TVP23A: variants seen among roughly 807,000 people sequenced by gnomAD.
The protein encoded by TVP23A is trans-golgi network vesicle protein 23 homolog A, also known as Golgi apparatus membrane protein TVP23 homolog A.
TVP23A carries 21 observed loss-of-function variants against 31.7 expected under a neutral mutation model. The observed-to-expected ratio is 0.66, with a 90% CI of 0.47 to 0.95. The LOEUF (loss-of-function observed/expected upper bound fraction) is 0.95. Ranked by LOEUF, TVP23A falls within the 40% of genes least tolerant of loss-of-function variation. The probability of loss-of-function intolerance (pLI) is 0.00; values close to 1 mark genes in which losing one functional copy is unlikely to be tolerated. For missense variants in TVP23A, 279 were observed against 255.6 expected, an observed-to-expected ratio of 1.09 and a Z score of -0.62; for synonymous variants, 104 against 96.0, an observed-to-expected ratio of 1.08 and a Z score of -0.49.
chr16:10,788,723 T>C (rs920925386), intron 2 of TVP23A, among the ~76,000 whole-genome samples: 1 of 152,200 alleles, frequency 6.6e-6, no homozygotes, highest in African/African-American at 2.4e-5. Flanking sequence ...GGAGACAGTA[T>C]GTCATACTGT....
At chr16:10,814,591 C>T (rs1346259749) in intron 2 of TVP23A, among the ~76,000 whole-genome samples, 7 of 151,814 alleles carry the variant, frequency 4.6e-5, no homozygotes, top group African/African-American at 1.7e-4. Context: ...ACCCCAACAA[C>T]CCAGCCTCCA....
chr16:10,788,083 C>T (rs2032875646), intron 2 of TVP23A, among the ~76,000 whole-genome samples: 1 of 152,082 alleles, frequency 6.6e-6, no homozygotes, highest in South Asian at 2.1e-4. Context: ...GAGACAAAGG[C>T]ATCAATCAAT....
chr16:10,761,740 T>C, downstream of TVP23A: 1 of 1,602,212 alleles, frequency 6.2e-7, no homozygotes, highest in Non-Finnish European at 8.5e-7. Flanking sequence ...TTCCTCCCCT[T>C]TGAATTTGCC....
At chr16:10,775,907 C>T (rs1165201367) in intron 2 of TVP23A, among the ~76,000 whole-genome samples, 2 of 151,168 alleles carry the variant, frequency 1.3e-5, no homozygotes, top group South Asian at 4.2e-4. Context: ...TGCCACCACG[C>T]CCAGCTAATT....
At chr16:10,813,040 C>T (rs962960862) in intron 2 of TVP23A, among the ~76,000 whole-genome samples, 21 of 152,322 alleles carry the variant, frequency 1.4e-4, no homozygotes, top group Non-Finnish European at 5.9e-5. Flanking sequence ...TGATGTACTT[C>T]CCAGGCCCCC....
chr16:10,771,844 A>AGG lies in TVP23A; in HGVS notation c.454-47_454-46insCC, dbSNP rs1319485136. 3 of 1,543,046 alleles carry AGG rather than the reference A, an allele frequency of 1.9e-6. No individual in the cohort carries two copies. In the South Asian group the frequency reaches 3.6e-5, roughly 18 times the overall value. ...CAAAGGTCACTTTTTTTTGAGACAGAGTTTCGCTCTGTCGCCCAGGCTGGG... is the reference window on the plus strand; with the variant it reads ...CAAAGGTCACTTTTTTTTGAGACAGAGGGTTTCGCTCTGTCGCCCAGGCTGGG... On this transcript the variant is annotated intron_variant, in intron 5 of 7. Coordinates refer to ENST00000299866, the MANE Select transcript of TVP23A (RefSeq NM_001079512.4).
At chr16:10,778,719 ACTTTGGGAGG>A (rs567093402) in intron 2 of TVP23A, among the ~76,000 whole-genome samples, 230 of 151,898 alleles carry the variant, frequency 1.5e-3, no homozygotes, top group African/African-American at 5.4e-3. Context: ...TAATCCCAGC[ACTTTGGGAGG>A]CTGAGGCGGC....
intron 2 of TVP23A, among the ~76,000 whole-genome samples, chr16:10,786,905 C>G (rs1441980878): frequency 2.6e-5 from 4 of 151,686 alleles, no homozygotes; most frequent in African/African-American, 7.3e-5. Flanking sequence ...GGCTGATATT[C>G]TGGGTACCTA....
downstream of TVP23A, among the ~76,000 whole-genome samples, chr16:10,759,036 C>T (rs1254446120): frequency 1.3e-5 from 2 of 152,206 alleles, no homozygotes; most frequent in African/African-American, 2.4e-5. The surrounding 1 kb of genome is among the most constrained non-coding windows in gnomAD (Gnocchi z 4.7). Flanking sequence ...CTCTTCATGA[C>T]GTTCTCCTCC....
downstream of TVP23A, among the ~76,000 whole-genome samples, chr16:10,765,850 G>T (rs529167357): frequency 6.6e-6 from 1 of 152,352 alleles, no homozygotes; most frequent in South Asian, 2.1e-4. The surrounding 1 kb of genome is among the most constrained non-coding windows in gnomAD (Gnocchi z 4.0). Flanking sequence ...AGTGGGCATG[G>T]TCCTGTGTGT....
Position 10,768,271 on chromosome 16 carries a change from T to A in TVP23A, c.*831A>T. On this transcript the variant is annotated 3_prime_UTR_variant, in exon 8 of 8. Coordinates refer to ENST00000299866, the MANE Select transcript of TVP23A (RefSeq NM_001079512.4). The surrounding 1 kb of genome is among the most constrained non-coding windows in gnomAD (Gnocchi z 4.3). ...TTATGGCTTAGGAAATACATCCCAA[T>A]AAAGGGATAAAGTAATTCATTTTTA... 6.1e-6 allele frequency: 2 copies of A among 326,024 alleles called. No homozygotes were observed. The highest frequency in any genetic ancestry group is 1.1e-5 in the Non-Finnish European group (2 of 178,544). The allele number at this position is 326,024 out of a possible 1,614,324, so 20.2% of individuals were successfully genotyped here. A position where few individuals can be genotyped will look rare whatever the true frequency, so the allele number is the denominator to read the frequency against.
intron 2 of TVP23A, among the ~76,000 whole-genome samples, chr16:10,800,717 C>T (rs1323489818): frequency 6.6e-6 from 1 of 152,186 alleles, no homozygotes; most frequent in Non-Finnish European, 1.5e-5. Context: ...TCACAGGTGG[C>T]TCACACCTGT....
At chr16:10,761,598 A>T in intron 8 of TVP23A, 1 of 1,012,222 alleles carries the variant, frequency 9.9e-7, no homozygotes, top group South Asian at 1.6e-5. Context: ...AATCACAATT[A>T]AAATCCCTTT....
intron 2 of TVP23A, among the ~76,000 whole-genome samples, chr16:10,787,530 G>A (rs556977342): frequency 3.4e-4 from 52 of 152,264 alleles, no homozygotes; most frequent in Non-Finnish European, 4.6e-4. Flanking sequence ...AAGCTCATTT[G>A]CATAATAAGA....
intron 2 of TVP23A, among the ~76,000 whole-genome samples, chr16:10,806,462 G>C (rs1253679274): frequency 6.6e-6 from 1 of 152,072 alleles, no homozygotes; most frequent in Non-Finnish European, 1.5e-5. Flanking sequence ...AGATTATGTG[G>C]GTCACAGGTC....
At chr16:10,784,730 T>C (rs1256920808) in intron 2 of TVP23A, among the ~76,000 whole-genome samples, 3 of 152,062 alleles carry the variant, frequency 2.0e-5, no homozygotes, top group East Asian at 1.9e-4. Context: ...AATGGAGAAA[T>C]TGGGGGAGAA....
At chr16:10,813,449 T>C (rs1359918423) in intron 2 of TVP23A, among the ~76,000 whole-genome samples, 1 of 152,184 alleles carries the variant, frequency 6.6e-6, no homozygotes, top group East Asian at 1.9e-4. Flanking sequence ...CTTTTTTGGA[T>C]CATGGGCCCA....
intron 2 of TVP23A, among the ~76,000 whole-genome samples, chr16:10,784,512 G>C (rs928099394): frequency 8.0e-5 from 12 of 150,692 alleles, no homozygotes; most frequent in African/African-American, 3.0e-4. Context: ...AGTGATCCGA[G>C]ATCACACCAA....
At chr16:10,758,263 G>A (rs1200980946), downstream of TVP23A, among the ~76,000 whole-genome samples, 1 of 152,190 alleles carries the variant, frequency 6.6e-6, no homozygotes, top group South Asian at 2.1e-4. Flanking sequence ...TTGAGCCCAC[G>A]AGTTCGGGAC....
Sources: allele counts gnomAD v4.1 joint callset (sites outside exome capture counted in the v4.1 genomes callset), GRCh38; gene constraint gnomAD v4.1.1; non-coding constraint Gnocchi (gnomAD v3.1); transcripts MANE v1.5; gene names NCBI Gene and HGNC (gene_info 2026-07-23, HGNC 2026-07-21).